SEMA3D: variants seen among roughly 807,000 people sequenced by gnomAD.
SEMA3D encodes semaphorin 3D.
In SEMA3D, 84 loss-of-function variants were observed where a neutral mutation model predicts 100.1. That is an observed-to-expected ratio of 0.84 (90% CI 0.70 to 1.01). SEMA3D has a LOEUF of 1.01. SEMA3D is among the 50% of genes least tolerant of loss of function. The pLI is 0.00. For synonymous variants in SEMA3D, 312 were observed against 320.7 expected, an observed-to-expected ratio of 0.97 and a Z score of 0.29; for missense variants, 875 against 934.1, an observed-to-expected ratio of 0.94 and a Z score of 0.82.
chr7:85,231,576 C>G, the SEMA3D span, among the ~76,000 whole-genome samples: 1 of 151,578 alleles, frequency 6.6e-6, no homozygotes, highest in Non-Finnish European at 1.5e-5. Flanking sequence ...TCAGCCTCCC[C>G]AGTGGCTGGG....
the SEMA3D span, among the ~76,000 whole-genome samples, chr7:85,241,661 G>A: frequency 6.6e-6 from 1 of 150,878 alleles, no homozygotes; most frequent in African/African-American, 2.4e-5. Context: ...GGACTTTGGG[G>A]ACTCAGTGGG....
chr7:85,005,029 A>G (rs902009807), intron 18 of SEMA3D, among the ~76,000 whole-genome samples: 3 of 151,684 alleles, frequency 2.0e-5, no homozygotes, highest in African/African-American at 4.9e-5. Flanking sequence ...AGGCAAATGT[A>G]AGTATCTAGA....
At chr7:85,054,569 G>A (rs1054191086) in intron 9 of SEMA3D, among the ~76,000 whole-genome samples, 1 of 152,084 alleles carries the variant, frequency 6.6e-6, no homozygotes. Context: ...AGGACACTAG[G>A]TAAAGAATGA....
In SEMA3D at chr7:85,123,236, T is replaced by A. The variant is rs1161494875; in HGVS notation, c.-40-1305A>T. 2.6e-5 allele frequency among the ~76,000 whole-genome samples: 4 copies of A among 152,130 alleles called. No individual in the cohort carries two copies. The South Asian group carries it at 8.3e-4, about 31-fold the overall frequency. On this transcript the variant is annotated intron_variant, in intron 2 of 18. Coordinates refer to ENST00000284136, the MANE Select transcript of SEMA3D (RefSeq NM_001384900.1). ...ATGGTAGAATCTAGTGATCTTCAGCTCCTGCCAGAGTCTTCAACTTCTCTT... is the reference window on the plus strand; with the variant it reads ...ATGGTAGAATCTAGTGATCTTCAGCACCTGCCAGAGTCTTCAACTTCTCTT...
At chr7:85,155,198 A>G (rs1433662709) in intron 1 of SEMA3D, among the ~76,000 whole-genome samples, 1 of 152,072 alleles carries the variant, frequency 6.6e-6, no homozygotes, top group East Asian at 1.9e-4. Flanking sequence ...CATCTGACTT[A>G]AAAAAAGTTT....
At chr7:85,202,243 G>C in the SEMA3D span, among the ~76,000 whole-genome samples, 1 of 121,222 alleles carries the variant, frequency 8.2e-6, no homozygotes, top group African/African-American at 3.3e-5. Context: ...AGAATGTGAT[G>C]TTCCCTTTCC....
At chr7:85,138,484 A>T (rs1005476232) in intron 2 of SEMA3D, among the ~76,000 whole-genome samples, 2 of 150,804 alleles carry the variant, frequency 1.3e-5, no homozygotes, top group Admixed American at 1.3e-4. Context: ...TTTTTTTCTT[A>T]TTTTTTTGTT....
At chr7:85,175,788 G>T (rs1791207520) in intron 1 of SEMA3D, among the ~76,000 whole-genome samples, 1 of 151,818 alleles carries the variant, frequency 6.6e-6, no homozygotes, top group African/African-American at 2.4e-5. Flanking sequence ...CAATGAATTC[G>T]GTTATGATGG....
chr7:85,005,666 G>A (rs896825451), intron 18 of SEMA3D, among the ~76,000 whole-genome samples: 3 of 151,828 alleles, frequency 2.0e-5, no homozygotes, highest in Non-Finnish European at 4.4e-5. Context: ...CAGCATTCAC[G>A]TTTGGAGTGA....
At chr7:85,122,158 C>A (rs1411043563) in intron 2 of SEMA3D, among the ~76,000 whole-genome samples, 3 of 150,528 alleles carry the variant, frequency 2.0e-5, no homozygotes, top group Non-Finnish European at 2.9e-5. Flanking sequence ...ATGGGTGCAG[C>A]AAACCACCAT....
the SEMA3D span, among the ~76,000 whole-genome samples, chr7:85,209,580 C>T: frequency 2.0e-5 from 3 of 151,972 alleles, no homozygotes; most frequent in Admixed American, 2.0e-4. Context: ...AATTATTATT[C>T]TTTATTGATT....
At chr7:85,098,097 AAG>A (rs1788624392) in intron 3 of SEMA3D, 132 bp from the exon 4 acceptor site, 1 of 594,708 alleles carries the variant, frequency 1.7e-6, no homozygotes. Flanking sequence ...AGAAAAAAGA[AAG>A]AAAGAAAGAG....
intron 2 of SEMA3D, among the ~76,000 whole-genome samples, chr7:85,152,213 G>A (rs192018606): frequency 1.3e-4 from 19 of 151,954 alleles, no homozygotes; most frequent in African/African-American, 3.6e-4. Context: ...CAAATTTTAC[G>A]GTAATGTGTA....
At chr7:85,190,065 A>G (rs1322427669), upstream of SEMA3D, among the ~76,000 whole-genome samples, 1 of 152,110 alleles carries the variant, frequency 6.6e-6, no homozygotes, top group Non-Finnish European at 1.5e-5. Flanking sequence ...AAAGGTAATT[A>G]CTGGGTCCAG....
At chr7:85,095,103 C>A (rs998066720) in intron 4 of SEMA3D, among the ~76,000 whole-genome samples, 1 of 152,094 alleles carries the variant, frequency 6.6e-6, no homozygotes, top group South Asian at 2.1e-4. Flanking sequence ...CCTCTGCAAT[C>A]ATTTATTTGT....
intron 4 of SEMA3D, among the ~76,000 whole-genome samples, chr7:85,090,770 C>A (rs137954895): frequency 6.6e-6 from 1 of 152,086 alleles, no homozygotes; most frequent in African/African-American, 2.4e-5. Context: ...AGTGTAGAGT[C>A]CTCATGTATC....
intron 6 of SEMA3D, among the ~76,000 whole-genome samples, 168 bp downstream of exon 6, chr7:85,072,794 G>T (rs1055711921): frequency 6.6e-6 from 1 of 152,042 alleles, no homozygotes; most frequent in Non-Finnish European, 1.5e-5. Flanking sequence ...TGGCTCAAGG[G>T]ACCCTCTGAC....
At chr7:85,075,576 C>T (rs375803711) in intron 5 of SEMA3D, among the ~76,000 whole-genome samples, 1 of 152,070 alleles carries the variant, frequency 6.6e-6, no homozygotes, top group African/African-American at 2.4e-5. Flanking sequence ...TATGAAATTC[C>T]TCCCTTCTGT....
intron 9 of SEMA3D, among the ~76,000 whole-genome samples, chr7:85,044,386 C>A (rs193193382): frequency 8.5e-4 from 130 of 152,130 alleles, no homozygotes; most frequent in Non-Finnish European, 5.0e-4. Context: ...ATTCCTTTCT[C>A]ACTAAACAAA....
Sources: gnomAD v4.1 joint callset for allele counts (sites outside exome capture counted in the v4.1 genomes callset) on GRCh38, gnomAD v4.1.1 for gene constraint, MANE v1.5 for transcripts, NCBI Gene and HGNC (gene_info 2026-07-23, HGNC 2026-07-21) for gene names.